NKAIN3: variants seen among roughly 807,000 people sequenced by gnomAD.
The protein encoded by NKAIN3 is sodium/potassium transporting ATPase interacting 3.
In NKAIN3, 25 loss-of-function variants were observed where a neutral mutation model predicts 30.2. The ratio of observed to expected loss-of-function variants is 0.83; its 90% CI spans 0.60 to 1.16. NKAIN3 has a LOEUF of 1.16. NKAIN3 is among the 50% of genes most tolerant of loss of function. NKAIN3 has a pLI of 0.00. For synonymous variants in NKAIN3, 91 were observed against 89.6 expected (o/e 1.02, Z -0.09); for missense variants, 225 against 254.1 (o/e 0.89, Z 0.78).
intron 1 of NKAIN3, among the ~76,000 whole-genome samples, chr8:62,423,538 A>C (rs1235230170): frequency 6.6e-6 from 1 of 151,644 alleles, no homozygotes; most frequent in Non-Finnish European, 1.5e-5. Context: ...ACACAAATTT[A>C]TGAACTTCTC....
intron 1 of NKAIN3, among the ~76,000 whole-genome samples, chr8:62,391,923 C>T (rs1233380722): frequency 2.0e-5 from 3 of 151,850 alleles, no homozygotes; most frequent in Non-Finnish European, 4.4e-5. Context: ...AATATTGGTA[C>T]CTGGCTCATT....
At chr8:62,929,953 C>T (rs938799203) in intron 5 of NKAIN3, among the ~76,000 whole-genome samples, 1 of 152,138 alleles carries the variant, frequency 6.6e-6, no homozygotes, top group Middle Eastern at 3.2e-3. Context: ...AAATTAGACA[C>T]CACTGCTCTA....
intron 1 of NKAIN3, among the ~76,000 whole-genome samples, chr8:62,396,637 T>C: frequency 6.6e-6 from 1 of 152,360 alleles, no homozygotes; most frequent in Admixed American, 6.5e-5. Context: ...AACTTTCTAC[T>C]AATTAATAAC....
chr8:62,611,874 C>A (rs919938496), intron 3 of NKAIN3, among the ~76,000 whole-genome samples: 2 of 151,988 alleles, frequency 1.3e-5, no homozygotes, highest in South Asian at 4.2e-4. Flanking sequence ...AATTGTTCTC[C>A]ATAATGGTTG....
intron 1 of NKAIN3, among the ~76,000 whole-genome samples, chr8:62,384,825 G>A (rs1365004063): frequency 6.6e-6 from 1 of 152,098 alleles, no homozygotes. Flanking sequence ...GTTCCCAAAG[G>A]ATGACCTCAG....
Position 62,965,569 on chromosome 8 carries a change from G to A in NKAIN3, c.*162G>A. ...TTCTCTAGATGAGTTCTAGGTGCTT[G>A]GGTGGGTATTTTTTTAGTCGTTTTC... On this transcript the variant is annotated 3_prime_UTR_variant, in exon 7 of 7. Transcript: ENST00000623646. 1 of 983,454 alleles carries A rather than the reference G, an allele frequency of 1.0e-6. No individual in the cohort carries two copies. Among genetic ancestry groups the A allele is most frequent in the Non-Finnish European group, 1.2e-6 (1 of 829,226 alleles). 60.9% of individuals were successfully genotyped at this position (983,454 alleles called of 1,614,324 possible).
rs558963165 is a variant in NKAIN3 at position 62,902,480 on chromosome 8, T to C, written c.472-15973T>C. Reference sequence around the variant, plus strand: ...CTGACTGCATTTAAATGATCAGGCATGGAGGAGGCAGAGCTCAGTGTAACC... The same window carrying C: ...CTGACTGCATTTAAATGATCAGGCACGGAGGAGGCAGAGCTCAGTGTAACC... On this transcript the variant is annotated intron_variant, in intron 4 of 6. Transcript: ENST00000623646. Among the ~76,000 whole-genome samples, 5 of 152,228 alleles carry C rather than the reference T, an allele frequency of 3.3e-5. No homozygotes were observed. The East Asian group carries it at 9.7e-4, about 29-fold the overall frequency.
At chr8:62,366,446 C>T (rs975482355) in intron 1 of NKAIN3, among the ~76,000 whole-genome samples, 1 of 151,984 alleles carries the variant, frequency 6.6e-6, no homozygotes, top group African/African-American at 2.4e-5. Flanking sequence ...GAGCTGGTCT[C>T]GAACTCCTGA....
chr8:62,387,423 C>T (rs570397995), intron 1 of NKAIN3, among the ~76,000 whole-genome samples: 7 of 152,058 alleles, frequency 4.6e-5, no homozygotes, highest in African/African-American at 1.7e-4. Context: ...TCACTGTCAG[C>T]TGCTTTCTGC....
intron 3 of NKAIN3, among the ~76,000 whole-genome samples, chr8:62,675,222 G>A (rs761261317): frequency 2.6e-5 from 4 of 152,092 alleles, no homozygotes; most frequent in Non-Finnish European, 5.9e-5. Flanking sequence ...AAAATTAGAA[G>A]TGATTTTTTC....
At chr8:62,961,342 G>A (rs1358962311) in intron 6 of NKAIN3, among the ~76,000 whole-genome samples, 1 of 151,844 alleles carries the variant, frequency 6.6e-6, no homozygotes, top group South Asian at 2.1e-4. Context: ...ACAATAAGAA[G>A]TGCACAGCAC....
At chr8:62,959,190 A>G (rs1199965383) in intron 6 of NKAIN3, among the ~76,000 whole-genome samples, 2 of 152,104 alleles carry the variant, frequency 1.3e-5, no homozygotes, top group African/African-American at 2.4e-5. Flanking sequence ...TCCCTATTTC[A>G]GGGTAGCCCT....
intron 4 of NKAIN3, among the ~76,000 whole-genome samples, chr8:62,758,820 A>G (rs1333622178): frequency 3.9e-5 from 6 of 152,224 alleles, no homozygotes; most frequent in African/African-American, 1.2e-4. Context: ...TCCCTATTGC[A>G]ATGACTGACT....
At chr8:62,755,868 G>C (rs1031079206) in intron 4 of NKAIN3, among the ~76,000 whole-genome samples, 1 of 152,158 alleles carries the variant, frequency 6.6e-6, no homozygotes, top group Non-Finnish European at 1.5e-5. Flanking sequence ...ATTGAGAGGG[G>C]TTTATGGTTG....
In NKAIN3 at chr8:62,337,877, A is replaced by G. The variant is rs1042532849; in HGVS notation, c.54+88750A>G. ...ACTGAAGTGTGAAAAACAACTGGTC[A>G]AGAAGATGCGGAGGTCAACAAGCCT... is the stretch of plus-strand genomic sequence containing the variant. On this transcript the variant is annotated intron_variant, in intron 1 of 6. Coordinates refer to ENST00000623646, the MANE Select transcript of NKAIN3 (RefSeq NM_001304533.3). 9.9e-5 allele frequency among the ~76,000 whole-genome samples: 15 copies of G among 152,216 alleles called. No individual in the cohort carries two copies. In the East Asian group the frequency reaches 2.9e-3, roughly 29 times the overall value.
chr8:62,655,537 A>G (rs555967484), intron 3 of NKAIN3, among the ~76,000 whole-genome samples: 11 of 151,736 alleles, frequency 7.2e-5, no homozygotes, highest in African/African-American at 2.7e-4. Flanking sequence ...CAATATATCC[A>G]TATAAAAAAC....
intron 1 of NKAIN3, among the ~76,000 whole-genome samples, chr8:62,469,659 G>A (rs1806270159): frequency 1.3e-5 from 2 of 152,092 alleles, no homozygotes; most frequent in African/African-American, 2.4e-5. Flanking sequence ...CTGAGGATAT[G>A]TAACTCACAA....
intron 3 of NKAIN3, among the ~76,000 whole-genome samples, chr8:62,689,319 AAC>A (rs1167542189): frequency 6.6e-6 from 1 of 152,148 alleles, no homozygotes; most frequent in Non-Finnish European, 1.5e-5. Context: ...CTGCTCACAG[AAC>A]ACAGCCCCCA....
At chr8:62,345,314 CACACATATATACACATATATGTATATAT>C (rs1815900753) in intron 1 of NKAIN3, among the ~76,000 whole-genome samples, 3 of 74,758 alleles carry the variant, frequency 4.0e-5, no homozygotes, top group Non-Finnish European at 6.1e-5. Flanking sequence ...TGTATATATA[CACACATATATACACATATATGTATATAT>C]ACACACATAT....
Sources: allele counts gnomAD v4.1 joint callset (sites outside exome capture counted in the v4.1 genomes callset), GRCh38; gene constraint gnomAD v4.1.1; transcripts MANE v1.5; gene names NCBI Gene and HGNC (gene_info 2026-07-23, HGNC 2026-07-21).